CAPN13: variants seen among roughly 807,000 people sequenced by gnomAD.
CAPN13 encodes calpain-13.
CAPN13 carries 90 observed loss-of-function variants against 98.4 expected under a neutral mutation model. That is an observed-to-expected ratio of 0.92 (90% confidence interval 0.77 to 1.09). CAPN13 has a LOEUF of 1.09. CAPN13 is among the 50% of genes least tolerant of loss of function. The pLI, the probability that CAPN13 is intolerant of heterozygous loss-of-function variation, is 0.00. For missense variants in CAPN13, 887 were observed against 841.3 expected, an observed-to-expected ratio of 1.05 and a Z score of -0.67; for synonymous variants, 330 against 305.5, an observed-to-expected ratio of 1.08 and a Z score of -0.84.
chr2:30,743,803 C>T (rs1038708495), intron 12 of CAPN13: 39 of 665,536 alleles, frequency 5.9e-5, no homozygotes, highest in Non-Finnish European at 1.0e-4. Context: ...AAATACCACA[C>T]ACAGTTTCAT....
chr2:30,785,222 A>G lies in CAPN13; in HGVS notation c.198+1906T>C, dbSNP rs535406559. 9.0e-4 allele frequency among the ~76,000 whole-genome samples: 137 copies of G among 152,284 alleles called. 3 individuals carry two copies. Among genetic ancestry groups the G allele is most frequent in the Admixed American group, 8.8e-3 (135 of 15,302 alleles). On this transcript the variant is annotated intron_variant, in intron 2 of 22. Coordinates refer to ENST00000295055, the MANE Select transcript of CAPN13 (RefSeq NM_144575.3). The stretch of plus-strand genomic sequence containing the variant: ...GGGGGAAAGTGCAGCAGGTGGAAAG[A>G]ATCTTCATTTAAATTCTGGATCCTT...
chr2:30,743,018 A>C, intron 13 of CAPN13: 1 of 270,616 alleles, frequency 3.7e-6, no homozygotes, highest in South Asian at 5.0e-5. Context: ...TTTTTCTTCT[A>C]CCTACCTTCC....
chr2:30,743,377 CT>C lies in CAPN13; in HGVS notation c.1445+5del, dbSNP rs1671751074. The stretch of plus-strand genomic sequence containing the variant: ...AAAACATTTACAATCCCAGAGGGTT[CT>C]GTACCTGTCACTGTCTGGCATTTTC... On this transcript the variant is annotated splice_donor_5th_base_variant and intron_variant, in intron 13 of 22. Coordinates refer to ENST00000295055, the MANE Select transcript of CAPN13 (RefSeq NM_144575.3). 3 of 1,609,380 alleles carry C rather than the reference CT, an allele frequency of 1.9e-6. No individual in the cohort carries two copies. The highest frequency in any genetic ancestry group is 3.3e-4 in the Middle Eastern group (2 of 6,056).
intron 1 of CAPN13, among the ~76,000 whole-genome samples, chr2:30,803,331 C>G (rs1675409990): frequency 6.6e-6 from 1 of 152,108 alleles, no homozygotes; most frequent in Admixed American, 6.5e-5. Flanking sequence ...TGATGGGAGA[C>G]AGCGCCCCTC....
chr2:30,767,515 TACATAAGGA>T (rs1246600395), intron 5 of CAPN13, among the ~76,000 whole-genome samples: 1 of 152,178 alleles, frequency 6.6e-6, no homozygotes, highest in African/African-American at 2.4e-5. Flanking sequence ...TCCCCGTTTT[TACATAAGGA>T]TAAAACGAGG....
chr2:30,745,803 C>G (rs1433100879), intron 11 of CAPN13, 69 bp from the exon 12 acceptor site: 1 of 1,389,558 alleles, frequency 7.2e-7, no homozygotes. Context: ...CAGAACCGAA[C>G]AGCTTGGCTC....
intron 22 of CAPN13, chr2:30,729,452 T>C (rs1670983177): frequency 6.6e-6 from 1 of 152,254 alleles, no homozygotes; most frequent in Non-Finnish European, 1.5e-5. Flanking sequence ...GAGAATCCAG[T>C]TACTTTGAAA....
At chr2:30,803,032 A>G (rs1241366605) in intron 1 of CAPN13, among the ~76,000 whole-genome samples, 1 of 152,164 alleles carries the variant, frequency 6.6e-6, no homozygotes, top group Non-Finnish European at 1.5e-5. Context: ...CAGCCCCTGC[A>G]GAAAGCCTCT....
At chr2:30,755,775 T>C (rs967230388) in intron 8 of CAPN13, among the ~76,000 whole-genome samples, 9 of 152,244 alleles carry the variant, frequency 5.9e-5, no homozygotes, top group African/African-American at 2.2e-4. Context: ...GATGTGGTAT[T>C]GTAAAATGGC....
intron 1 of CAPN13, among the ~76,000 whole-genome samples, chr2:30,804,428 C>G (rs1675483409): frequency 6.6e-6 from 1 of 152,184 alleles, no homozygotes; most frequent in African/African-American, 2.4e-5. Context: ...GCCTCGAACT[C>G]CTGACCTCAG....
intron 1 of CAPN13, among the ~76,000 whole-genome samples, chr2:30,805,073 G>A (rs1253902063): frequency 6.6e-6 from 1 of 152,174 alleles, no homozygotes; most frequent in African/African-American, 2.4e-5. Context: ...ACTCAGATGA[G>A]GTGCCAAGCC....
At chr2:30,768,039 C>T (rs1201984298) in intron 5 of CAPN13, among the ~76,000 whole-genome samples, 1 of 152,212 alleles carries the variant, frequency 6.6e-6, no homozygotes, top group African/African-American at 2.4e-5. Flanking sequence ...ATTTTCTCCT[C>T]AAGGGCATGG....
intron 1 of CAPN13, among the ~76,000 whole-genome samples, chr2:30,787,999 A>C (rs1279710070): frequency 6.6e-6 from 1 of 152,122 alleles, no homozygotes; most frequent in African/African-American, 2.4e-5. Flanking sequence ...TGTCCACAGG[A>C]GAGACAGTGG....
intron 14 of CAPN13, 142 bp from the exon 15 acceptor site, chr2:30,742,106 G>T: frequency 1.0e-6 from 1 of 974,554 alleles, no homozygotes; most frequent in Non-Finnish European, 1.5e-6. Flanking sequence ...TGGGGAATGA[G>T]AAAACTGAAG....
chr2:30,798,123 G>C (rs766010508), intron 1 of CAPN13, among the ~76,000 whole-genome samples: 50 of 152,374 alleles, frequency 3.3e-4, no homozygotes, highest in Middle Eastern at 3.4e-3. Flanking sequence ...GTGGCCACTG[G>C]CCATACGTAG....
intron 12 of CAPN13, among the ~76,000 whole-genome samples, chr2:30,744,635 G>C (rs565842026): frequency 6.6e-6 from 1 of 152,220 alleles, no homozygotes; most frequent in African/African-American, 2.4e-5. Context: ...ATCTTGTCCT[G>C]CTCCCTCTGT....
At chr2:30,758,203 T>A in intron 7 of CAPN13, 66 bp from the exon 8 acceptor site, 1 of 1,222,326 alleles carries the variant, frequency 8.2e-7, no homozygotes, top group Non-Finnish European at 1.1e-6. Context: ...GGGGGATGAA[T>A]GCAGCTGCTT....
chr2:30,729,973 T>C (rs1671005439), intron 22 of CAPN13: 1 of 152,230 alleles, frequency 6.6e-6, no homozygotes, highest in African/African-American at 2.4e-5. Flanking sequence ...AGGTCTTGCA[T>C]GTCCAGTATT....
chr2:30,741,299 C>T (rs1671641818), intron 15 of CAPN13: 2 of 832,462 alleles, frequency 2.4e-6, no homozygotes, highest in Middle Eastern at 6.0e-4. Flanking sequence ...CTGTCCTTGG[C>T]CTCTTCCTGG....
Sources: gnomAD v4.1 joint callset for allele counts (sites outside exome capture counted in the v4.1 genomes callset) on GRCh38, gnomAD v4.1.1 for gene constraint, MANE v1.5 for transcripts, NCBI Gene and HGNC (gene_info 2026-07-23, HGNC 2026-07-21) for gene names.